COL13A1: variants seen among roughly 807,000 people sequenced by gnomAD.
The protein encoded by COL13A1 is collagen type XIII alpha 1 chain, also known as collagen alpha-1(XIII) chain.
Under a neutral mutation model 130.9 loss-of-function variants are expected in COL13A1, and 89 were observed. That is an observed-to-expected ratio of 0.68 (90% CI 0.57 to 0.81). The LOEUF is 0.81. COL13A1 is among the 30% of genes least tolerant of loss of function. The pLI is 0.00. For synonymous variants in COL13A1, 402 were observed against 341.6 expected (o/e 1.18, Z -1.95); for missense variants, 879 against 934.6 (o/e 0.94, Z 0.78).
At chr10:69,909,372 C>A (rs1332762271) in intron 17 of COL13A1, among the ~76,000 whole-genome samples, 1 of 152,190 alleles carries the variant, frequency 6.6e-6, no homozygotes, top group Non-Finnish European at 1.5e-5. Context: ...GGCTGTGAGG[C>A]CATCATGCCC....
intron 2 of COL13A1, among the ~76,000 whole-genome samples, chr10:69,827,703 T>A (rs2132793371): frequency 6.6e-6 from 1 of 152,330 alleles, no homozygotes; most frequent in Admixed American, 6.5e-5. Context: ...CTCTCCAGCC[T>A]TGGTTGTTTT....
At chr10:69,842,872 C>T (rs935692523) in intron 2 of COL13A1, among the ~76,000 whole-genome samples, 2 of 152,228 alleles carry the variant, frequency 1.3e-5, no homozygotes, top group Non-Finnish European at 2.9e-5. Context: ...GGGGTCCCGG[C>T]AGTGACCCAG....
At chr10:69,891,614 A>G (rs1416378464) in intron 10 of COL13A1, among the ~76,000 whole-genome samples, 1 of 152,172 alleles carries the variant, frequency 6.6e-6, no homozygotes, top group African/African-American at 2.4e-5. Context: ...TGCATGGAGT[A>G]GTGGAGACCG....
At chr10:69,924,406 G>T (rs1266040719) in intron 24 of COL13A1, among the ~76,000 whole-genome samples, 1 of 152,012 alleles carries the variant, frequency 6.6e-6, no homozygotes, top group African/African-American at 2.4e-5. Context: ...GCTCTGTCCT[G>T]TTTGCAACAG....
At chr10:69,831,516 C>T (rs1227522852) in intron 2 of COL13A1, among the ~76,000 whole-genome samples, 1 of 152,214 alleles carries the variant, frequency 6.6e-6, no homozygotes, top group Non-Finnish European at 1.5e-5. Context: ...AGCAGCCACG[C>T]TTACAGCCCT....
chr10:69,944,087 G>T, intron 35 of COL13A1, 38 bp from the exon 36 acceptor site: 1 of 1,578,144 alleles, frequency 6.3e-7, no homozygotes, highest in Non-Finnish European at 8.7e-7. Flanking sequence ...TCCCCAGAGT[G>T]TGGGGACCCT....
chr10:69,947,579 G>A (rs2068745011), intron 38 of COL13A1, among the ~76,000 whole-genome samples: 2 of 152,088 alleles, frequency 1.3e-5, no homozygotes, highest in Admixed American at 1.3e-4. Flanking sequence ...TCCCATGGCA[G>A]CCACCAGCTT....
intron 2 of COL13A1, among the ~76,000 whole-genome samples, chr10:69,852,015 C>T (rs539841480): frequency 6.6e-6 from 1 of 152,312 alleles, no homozygotes; most frequent in Non-Finnish European, 1.5e-5. Flanking sequence ...GACATCACAG[C>T]TCCAACCACA....
chr10:69,936,876 A>G, intron 33 of COL13A1, 94 bp downstream of exon 33: 14 of 1,481,220 alleles, frequency 9.5e-6, no homozygotes, highest in Non-Finnish European at 1.3e-5. Context: ...CCTAGAAGGC[A>G]TTAGGTGACA....
intron 5 of COL13A1, 44 bp from the exon 6 acceptor site, chr10:69,877,995 C>T: frequency 7.1e-6 from 5 of 701,854 alleles, no homozygotes; most frequent in Non-Finnish European, 1.3e-5. Context: ...TTTCTCTCCC[C>T]TCCTTTCCCT....
At chr10:69,888,146 G>T (rs1439065140) in intron 8 of COL13A1, among the ~76,000 whole-genome samples, 158 bp from the exon 9 acceptor site, 3 of 152,194 alleles carry the variant, frequency 2.0e-5, no homozygotes, top group Non-Finnish European at 4.4e-5. Context: ...TGAGGCCTAG[G>T]CTTACCCATA....
At chr10:69,851,812 C>T (rs1337222377) in intron 2 of COL13A1, among the ~76,000 whole-genome samples, 1 of 152,072 alleles carries the variant, frequency 6.6e-6, no homozygotes, top group Non-Finnish European at 1.5e-5. Flanking sequence ...GCACCACCAT[C>T]CCCAGCTAGT....
chr10:69,824,964 TCTC>T (rs1847123266), intron 2 of COL13A1, among the ~76,000 whole-genome samples: 1 of 152,012 alleles, frequency 6.6e-6, no homozygotes, highest in South Asian at 2.1e-4. Flanking sequence ...CACAGCAAAA[TCTC>T]CTAGGATGGG....
At chr10:69,925,907 A>G (rs1254428090) in intron 26 of COL13A1, 35 bp downstream of exon 26, 2 of 1,510,268 alleles carry the variant, frequency 1.3e-6, no homozygotes, top group Non-Finnish European at 9.1e-7. Context: ...CAAGATCCTC[A>G]TGGATCTCAG....
intron 2 of COL13A1, among the ~76,000 whole-genome samples, chr10:69,822,852 G>T (rs932059866): frequency 2.0e-5 from 3 of 152,254 alleles, no homozygotes; most frequent in African/African-American, 7.2e-5. Context: ...TTACCTGAAT[G>T]AATGACCCTA....
intron 2 of COL13A1, among the ~76,000 whole-genome samples, chr10:69,852,720 G>T (rs147319438): frequency 1.6e-3 from 251 of 152,390 alleles, no homozygotes; most frequent in Middle Eastern, 3.4e-3. Flanking sequence ...GTGGCGCCAA[G>T]AGTGGCCTGC....
intron 7 of COL13A1, among the ~76,000 whole-genome samples, chr10:69,882,182 G>A (rs2060208995): frequency 1.3e-5 from 2 of 152,226 alleles, no homozygotes; most frequent in South Asian, 4.1e-4. Context: ...TGTGTTAGGA[G>A]GACAGGGGAG....
At chr10:69,843,194 C>T (rs886991159) in intron 2 of COL13A1, among the ~76,000 whole-genome samples, 5 of 151,848 alleles carry the variant, frequency 3.3e-5, no homozygotes, top group East Asian at 3.9e-4. Context: ...TCAGCCTCCA[C>T]GTGGAGGCCA....
intron 2 of COL13A1, among the ~76,000 whole-genome samples, chr10:69,832,634 A>T (rs1849089400): frequency 6.6e-6 from 1 of 152,196 alleles, no homozygotes; most frequent in Non-Finnish European, 1.5e-5. Context: ...GGCTGTGGAC[A>T]GGGCAGGGGA....
Sources: gnomAD v4.1 joint callset for allele counts (sites outside exome capture counted in the v4.1 genomes callset) on GRCh38, gnomAD v4.1.1 for gene constraint, MANE v1.5 for transcripts, NCBI Gene and HGNC (gene_info 2026-07-23, HGNC 2026-07-21) for gene names.